PCGF3: variants seen among roughly 807,000 people sequenced by gnomAD.
The protein encoded by PCGF3 is polycomb group RING finger protein 3.
A neutral mutation model predicts 33.1 loss-of-function variants in PCGF3; 7 were observed. That is an observed-to-expected ratio of 0.21 (90% CI 0.12 to 0.40). PCGF3 has a LOEUF of 0.40. Among genes scored for constraint, PCGF3 ranks in the 10% least tolerant of loss-of-function variants. The probability of loss-of-function intolerance (pLI) is 1.00; values close to 1 mark genes in which losing one functional copy is unlikely to be tolerated. For synonymous variants in PCGF3, 153 were observed against 121.3 expected (o/e 1.26, Z -1.72); for missense variants, 211 against 313.3 (o/e 0.67, Z 2.46).
chr4:744,480 CG>C, intron 7 of PCGF3, 119 bp from the exon 8 acceptor site: 2 of 743,044 alleles, frequency 2.7e-6, no homozygotes, highest in Admixed American at 2.5e-5. Flanking sequence ...TACTCCGCTC[CG>C]GGGGTCCAGA....
rs1361957774 is a variant in PCGF3, at chr4:734,328, T to C, written c.109+539T>C. 4 of 1,443,192 alleles carry C rather than the reference T, an allele frequency of 2.8e-6. No individual in the cohort carries two copies. In the Admixed American group the frequency reaches 1.2e-4, roughly 42 times the overall value. 89.4% of individuals were successfully genotyped at this position (1,443,192 alleles called of 1,614,324 possible). A position where few individuals can be genotyped will look rare whatever the true frequency, so the allele number is the denominator to read the frequency against. On this transcript the variant is annotated intron_variant, in intron 4 of 10. Coordinates refer to ENST00000362003, the Ensembl canonical transcript of PCGF3. ...CCTGAGGCCCCATGGCTGGCGGCCCTGCTGGTGTGGACGACCGCTGTGTGC... is the reference window on the plus strand; with the variant it reads ...CCTGAGGCCCCATGGCTGGCGGCCCCGCTGGTGTGGACGACCGCTGTGTGC...
intron 1 of PCGF3, among the ~76,000 whole-genome samples, chr4:707,176 T>C (rs996496027): frequency 6.8e-6 from 1 of 147,178 alleles, no homozygotes; most frequent in African/African-American, 2.5e-5. Flanking sequence ...GACCCCAAGA[T>C]GGGTCACCAA....
At chr4:768,324 G>C in exon 11 of PCGF3, 1 of 152,566 alleles carries the variant, frequency 6.6e-6, no homozygotes, top group East Asian at 1.9e-4. Context: ...AGCCTTAGTC[G>C]TTGGAGGCTG....
rs1330167157 is a variant in PCGF3, at chr4:721,822, T to TG, written c.-189-8806dup. ...TGGGGAGGGGCCTGTGGGAGGTGGG[T>TG]GGATGGGTGTCTCTGCATGTGGGTG... On this transcript the variant is annotated intron_variant, in intron 1 of 10. Transcript: ENST00000362003. The surrounding 1 kb of genome is among the most constrained non-coding windows in gnomAD (Gnocchi z 4.1). Among the ~76,000 whole-genome samples the TG allele has an allele frequency of 8.4e-6, 1 of 119,140 alleles. No homozygotes were observed. The highest frequency in any genetic ancestry group is 3.4e-5 in the African/African-American group (1 of 29,358). 78.2% of individuals were successfully genotyped at this position (119,140 alleles called of 152,430 possible). A position where few individuals can be genotyped will look rare whatever the true frequency, so the allele number is the denominator to read the frequency against.
chr4:766,022 T>C lies in PCGF3; in HGVS notation c.682-10T>C. ...GCTAAGCAGGCACTGTGCGTTCTTG[T>C]GTCTTCCAGAAGGCGCCGCTCCTGC... On this transcript the variant is annotated splice_polypyrimidine_tract_variant and intron_variant, in intron 10 of 10. Coordinates refer to ENST00000362003, the Ensembl canonical transcript of PCGF3. The C allele has an allele frequency of 6.2e-7, 1 of 1,613,870 alleles. No individual in the cohort carries two copies. The highest frequency in any genetic ancestry group is 8.5e-7 in the Non-Finnish European group (1 of 1,179,764).
At chr4:752,439 A>G (rs544398375) in intron 8 of PCGF3, among the ~76,000 whole-genome samples, 1 of 152,100 alleles carries the variant, frequency 6.6e-6, no homozygotes, top group South Asian at 2.1e-4. Context: ...CTTCTTTGGG[A>G]GCAGCCGGCG....
intron 1 of PCGF3, among the ~76,000 whole-genome samples, chr4:711,168 G>A (rs1361008653): frequency 1.3e-5 from 2 of 152,210 alleles, no homozygotes; most frequent in African/African-American, 4.8e-5. Flanking sequence ...GCCGGGAAGG[G>A]GGCCTGTTCT....
At chr4:750,839 C>CT (rs111638882) in intron 8 of PCGF3, among the ~76,000 whole-genome samples, 35,222 of 151,136 alleles carry the variant, frequency 0.23, 4,647 homozygotes, top group African/African-American at 0.36. Flanking sequence ...AGTGTGGATT[C>CT]TTTTTTTTTC....
intron 1 of PCGF3, among the ~76,000 whole-genome samples, chr4:726,930 C>T (rs1743354517): frequency 6.6e-6 from 1 of 152,220 alleles, no homozygotes; most frequent in Non-Finnish European, 1.5e-5. Flanking sequence ...CAGTCCCTGC[C>T]TTGCCTGGAC....
chr4:712,688 C>T (rs1180979671), intron 1 of PCGF3, among the ~76,000 whole-genome samples: 2 of 152,186 alleles, frequency 1.3e-5, no homozygotes, highest in African/African-American at 2.4e-5. Flanking sequence ...CCTCATGACC[C>T]GCCCGCCTTG....
chr4:733,609 T>C, intron 3 of PCGF3, 63 bp from the exon 4 acceptor site: 1 of 1,508,730 alleles, frequency 6.6e-7, no homozygotes, highest in Non-Finnish European at 8.9e-7. Context: ...CTGTCAGAGC[T>C]CAGCCAAGGA....
intron 6 of PCGF3, among the ~76,000 whole-genome samples, chr4:741,699 G>A (rs951511952): frequency 5.3e-5 from 8 of 152,170 alleles, no homozygotes; most frequent in East Asian, 1.9e-4. Context: ...GAGCCACCGC[G>A]CCCGGCCCCA....
At chr4:707,460 A>G (rs116190029) in intron 1 of PCGF3, among the ~76,000 whole-genome samples, 8,369 of 141,938 alleles carry the variant, frequency 0.059, 325 homozygotes, top group South Asian at 0.093. Flanking sequence ...CGGGACCCTG[A>G]GACAGCCCTG....
chr4:730,404 T>C (rs1420697240), intron 1 of PCGF3, among the ~76,000 whole-genome samples: 1 of 152,038 alleles, frequency 6.6e-6, no homozygotes, highest in African/African-American at 2.4e-5. Flanking sequence ...TGCCCACTCC[T>C]GCTGTCTCCG....
rs1743085831 is a variant in PCGF3, at chr4:721,759, TGG to T, written c.-189-8869_-189-8868del. ...GTGTATGGGCATGGGGAGGGGCCTG[TGG>T]GAGGTGGATGGGTTGGGTGGCTCTG... On this transcript the variant is annotated intron_variant, in intron 1 of 10. Transcript: ENST00000362003. This position sits in a 1 kb window ranked among gnomAD's most constrained non-coding sequence, Gnocchi z 4.1. 1.1e-5 allele frequency among the ~76,000 whole-genome samples: 1 copy of T among 89,386 alleles called. No individual in the cohort carries two copies. Among genetic ancestry groups the T allele is most frequent in the Non-Finnish European group, 2.8e-5 (1 of 36,114 alleles). The allele number at this position is 89,386 out of a possible 152,430, so 58.6% of individuals were successfully genotyped here. A position where few individuals can be genotyped will look rare whatever the true frequency, so the allele number is the denominator to read the frequency against.
At chr4:723,420 AG>A (rs1392181433) in intron 1 of PCGF3, among the ~76,000 whole-genome samples, 3 of 152,072 alleles carry the variant, frequency 2.0e-5, no homozygotes, top group African/African-American at 2.4e-5. Context: ...AAGCAGAAGA[AG>A]GTGGGTGACC....
intron 6 of PCGF3, among the ~76,000 whole-genome samples, chr4:738,363 G>A (rs968747039): frequency 3.3e-5 from 5 of 152,344 alleles, no homozygotes; most frequent in Admixed American, 1.3e-4. Context: ...GATTTCCTGA[G>A]TAAACGTAGA....
chr4:734,356 C>T, intron 4 of PCGF3: 1 of 1,418,028 alleles, frequency 7.1e-7, no homozygotes, highest in Non-Finnish European at 9.2e-7. Context: ...CTGTGTGCGT[C>T]TCTTGATGGC....
exon 11 of PCGF3, chr4:767,411 A>C (rs1745431833): frequency 6.6e-6 from 1 of 152,102 alleles, no homozygotes; most frequent in Non-Finnish European, 1.5e-5. Flanking sequence ...GTTGTCCTGC[A>C]GTTGTCATTG....
Sources: gnomAD v4.1 joint callset for allele counts (sites outside exome capture counted in the v4.1 genomes callset) on GRCh38, gnomAD v4.1.1 for gene constraint, Gnocchi (gnomAD v3.1) non-coding constraint, MANE v1.5 for transcripts, NCBI Gene and HGNC (gene_info 2026-07-23, HGNC 2026-07-21) for gene names.